Variants in STPG2 observed in about 807,000 individuals in gnomAD.
STPG2 encodes sperm-tail PG-rich repeat-containing protein 2.
Under a neutral mutation model 54.2 loss-of-function variants are expected in STPG2, and 56 were observed. The ratio of observed to expected loss-of-function variants is 1.03; its 90% CI spans 0.83 to 1.29. The LOEUF is 1.29. Ranked by LOEUF, STPG2 falls within the 50% of genes most tolerant of loss-of-function variation. The pLI is 0.00. For synonymous variants in STPG2, 200 were observed against 181.8 expected (o/e 1.10, Z -0.81); for missense variants, 596 against 544.9 (o/e 1.09, Z -0.93).
At chr4:97,702,491 G>C (rs1371311824) in intron 10 of STPG2, among the ~76,000 whole-genome samples, 3 of 152,128 alleles carry the variant, frequency 2.0e-5, no homozygotes, top group Non-Finnish European at 4.4e-5. Flanking sequence ...TCTAGTTATA[G>C]GTCTAGAAGC....
intron 3 of STPG2, among the ~76,000 whole-genome samples, chr4:98,120,500 A>G (rs1378989096): frequency 6.6e-6 from 1 of 152,138 alleles, no homozygotes; most frequent in Non-Finnish European, 1.5e-5. Context: ...TGTCTTCCAC[A>G]ATGATTGACC....
intron 10 of STPG2, among the ~76,000 whole-genome samples, chr4:97,636,707 C>G (rs1721548583): frequency 6.6e-6 from 1 of 152,172 alleles, no homozygotes; most frequent in Admixed American, 6.5e-5. Context: ...GAGAAAACTA[C>G]AAACACCTCT....
chr4:97,616,310 C>T (rs1733873948), intron 10 of STPG2, among the ~76,000 whole-genome samples: 1 of 151,330 alleles, frequency 6.6e-6, no homozygotes, highest in African/African-American at 2.4e-5. Context: ...AAATATTAAG[C>T]AATGTAACCT....
chr4:98,019,757 G>A (rs1257718325), intron 5 of STPG2, among the ~76,000 whole-genome samples: 1 of 122,226 alleles, frequency 8.2e-6, no homozygotes, highest in Non-Finnish European at 1.8e-5. Flanking sequence ...GGATTCCTAG[G>A]TATTTTATTC....
chr4:98,031,557 A>AG (rs1430691061), intron 5 of STPG2, among the ~76,000 whole-genome samples: 29 of 151,946 alleles, frequency 1.9e-4, no homozygotes, highest in Non-Finnish European at 2.9e-5. Flanking sequence ...CTGTAGTCCC[A>AG]GCCTATAGTC....
chr4:97,908,349 A>C (rs1731531711), intron 8 of STPG2, among the ~76,000 whole-genome samples: 5 of 151,760 alleles, frequency 3.3e-5, no homozygotes, highest in South Asian at 2.1e-4. Context: ...GGCAATCATT[A>C]AAAAGTCAGG....
chr4:97,972,149 C>T (rs1474479683), intron 7 of STPG2, 131 bp downstream of exon 7: 3 of 541,520 alleles, frequency 5.5e-6, no homozygotes, highest in South Asian at 6.4e-5. Context: ...TCCTACTTTC[C>T]TTAACATATG....
intron 4 of STPG2, among the ~76,000 whole-genome samples, chr4:97,533,322 G>C (rs1731456768): frequency 6.6e-6 from 1 of 152,030 alleles, no homozygotes; most frequent in African/African-American, 2.4e-5. Flanking sequence ...TTTTGACTTA[G>C]TATTTCTATT....
chr4:97,557,866 G>A (rs923354009), downstream of STPG2, among the ~76,000 whole-genome samples: 8 of 152,276 alleles, frequency 5.3e-5, no homozygotes, highest in Middle Eastern at 3.4e-3. Context: ...AGAGTTTCTT[G>A]CAAACAGAAT....
In STPG2 at chr4:97,680,235, G is replaced by A. The variant is rs550580342; in HGVS notation, c.1320+32464C>T. Reference sequence around the variant, plus strand: ...CCTTGGGCAGTATGGCCATTTTTACGATATTGATTCTTCCTACCCATGAGC... The same window carrying A: ...CCTTGGGCAGTATGGCCATTTTTACAATATTGATTCTTCCTACCCATGAGC... On this transcript the variant is annotated intron_variant, in intron 10 of 10. Coordinates refer to ENST00000295268, the MANE Select transcript of STPG2 (RefSeq NM_174952.3). Among the ~76,000 whole-genome samples the A allele has an allele frequency of 1.5e-3, 235 of 151,700 alleles. 1 individual carries two copies. The highest frequency in any genetic ancestry group is 5.3e-3 in the African/African-American group (218 of 41,326).
chr4:97,897,243 C>G (rs922588538), intron 8 of STPG2, among the ~76,000 whole-genome samples: 2 of 152,022 alleles, frequency 1.3e-5, no homozygotes, highest in Non-Finnish European at 2.9e-5. Flanking sequence ...TGATCTCATT[C>G]TTTTTTATAA....
intron 4 of STPG2, among the ~76,000 whole-genome samples, chr4:97,468,894 A>G (rs1245727625): frequency 6.6e-6 from 1 of 152,082 alleles, no homozygotes. Flanking sequence ...TTTCTCACAG[A>G]TAACTAAGAA....
intron 4 of STPG2, among the ~76,000 whole-genome samples, chr4:97,526,433 T>G (rs1460712099): frequency 6.6e-6 from 1 of 152,118 alleles, no homozygotes. Flanking sequence ...TACTATAAAG[T>G]AGAAAAATAA....
intron 8 of STPG2, among the ~76,000 whole-genome samples, chr4:97,872,367 T>C (rs1320446807): frequency 6.6e-6 from 1 of 151,212 alleles, no homozygotes; most frequent in Non-Finnish European, 1.5e-5. Flanking sequence ...AATTATATAA[T>C]AGCACATCTG....
At chr4:97,522,351 A>T (rs541636686) in intron 4 of STPG2, among the ~76,000 whole-genome samples, 109 of 152,010 alleles carry the variant, frequency 7.2e-4, no homozygotes, top group Non-Finnish European at 1.3e-3. Context: ...TTTTGTTATA[A>T]TCATTACTAC....
intron 4 of STPG2, among the ~76,000 whole-genome samples, chr4:97,513,407 C>T (rs1731013145): frequency 1.3e-5 from 2 of 151,980 alleles, no homozygotes; most frequent in Admixed American, 1.3e-4. Context: ...TTCATCCTCC[C>T]CATGCTTCCC....
chr4:97,466,290 T>C (rs906560512), intron 4 of STPG2, among the ~76,000 whole-genome samples: 2 of 152,044 alleles, frequency 1.3e-5, no homozygotes, highest in Non-Finnish European at 2.9e-5. Context: ...TTAATAGAAG[T>C]TAGGATACAT....
intron 4 of STPG2, among the ~76,000 whole-genome samples, chr4:97,454,375 C>T (rs933471080): frequency 4.7e-5 from 7 of 149,576 alleles, no homozygotes; most frequent in African/African-American, 7.3e-5. Flanking sequence ...TAGCCGGGCG[C>T]GGTGGCGGGC....
chr4:98,025,578 C>T, intron 5 of STPG2: 1 of 735,564 alleles, frequency 1.4e-6, no homozygotes, highest in South Asian at 1.4e-5. Flanking sequence ...TGTCAGATTG[C>T]TTATGCCCAT....
Sources: gnomAD v4.1 joint callset for allele counts (sites outside exome capture counted in the v4.1 genomes callset) on GRCh38, gnomAD v4.1.1 for gene constraint, MANE v1.5 for transcripts, NCBI Gene and HGNC (gene_info 2026-07-23, HGNC 2026-07-21) for gene names.